The following NRXN3 variants were observed in gnomAD, a reference collection of about 807,000 sequenced individuals.
The protein encoded by NRXN3 is neurexin III.
NRXN3 carries 32 observed loss-of-function variants against 137.6 expected under a neutral mutation model. That is an observed-to-expected ratio of 0.23 (90% CI 0.18 to 0.31). NRXN3 has a LOEUF of 0.31. Ranked by LOEUF, NRXN3 falls within the 10% of genes least tolerant of loss-of-function variation. NRXN3 has a pLI of 1.00. For synonymous variants in NRXN3, 798 were observed against 784.5 expected, an observed-to-expected ratio of 1.02 and a Z score of -0.29; for missense variants, 1,574 against 2,062.5, an observed-to-expected ratio of 0.76 and a Z score of 4.59.
At chr14:79,809,382 A>G (rs2099223260) in intron 20 of NRXN3, among the ~76,000 whole-genome samples, 1 of 152,154 alleles carries the variant, frequency 6.6e-6, no homozygotes, top group Admixed American at 6.5e-5. Context: ...CAAGTGATCC[A>G]TCCACTTCAG....
intron 16 of NRXN3, among the ~76,000 whole-genome samples, chr14:79,560,510 T>TTTTTTTTG (rs2097483870): frequency 8.9e-6 from 1 of 112,874 alleles, no homozygotes; most frequent in African/African-American, 3.7e-5. Flanking sequence ...TAAGCTTTTT[T>TTTTTTTTG]TTTTTTTTTT....
intron 16 of NRXN3, among the ~76,000 whole-genome samples, chr14:79,644,941 T>C (rs2098447112): frequency 1.5e-5 from 2 of 135,828 alleles, no homozygotes; most frequent in African/African-American, 4.9e-5. Context: ...TCGACTCATG[T>C]GAAACAGTCC....
At chr14:79,315,014 G>C (rs2088220483) in intron 15 of NRXN3, among the ~76,000 whole-genome samples, 1 of 152,192 alleles carries the variant, frequency 6.6e-6, no homozygotes, top group South Asian at 2.1e-4. Flanking sequence ...CAAATCTTCT[G>C]TGGCTGCCAC....
intron 8 of NRXN3, among the ~76,000 whole-genome samples, chr14:78,781,596 A>G (rs2098769878): frequency 2.6e-5 from 4 of 152,234 alleles, no homozygotes; most frequent in Admixed American, 2.0e-4. Flanking sequence ...ACCAAATTAT[A>G]TATGACCGCA....
intron 4 of NRXN3, among the ~76,000 whole-genome samples, chr14:78,525,883 G>T (rs1012539205): frequency 2.0e-5 from 3 of 152,174 alleles, no homozygotes; most frequent in Non-Finnish European, 4.4e-5. Flanking sequence ...CATGTATGCA[G>T]TGAAGGAACT....
intron 15 of NRXN3, among the ~76,000 whole-genome samples, chr14:79,364,357 T>C (rs1452688180): frequency 6.6e-6 from 1 of 152,226 alleles, no homozygotes; most frequent in Admixed American, 6.5e-5. Context: ...TCCAAAAATG[T>C]TATTACATTA....
At chr14:79,442,612 A>C (rs2095984255) in intron 15 of NRXN3, among the ~76,000 whole-genome samples, 1 of 152,226 alleles carries the variant, frequency 6.6e-6, no homozygotes. Context: ...TACAGATACC[A>C]GAAGGAACCT....
At chr14:79,365,181 G>C (rs557902838) in intron 15 of NRXN3, among the ~76,000 whole-genome samples, 1 of 152,192 alleles carries the variant, frequency 6.6e-6, no homozygotes, top group Non-Finnish European at 1.5e-5. Flanking sequence ...AGAGAATTCT[G>C]AGTTCTGTAC....
chr14:79,631,072 A>G (rs1259532926), intron 16 of NRXN3, among the ~76,000 whole-genome samples: 1 of 152,202 alleles, frequency 6.6e-6, no homozygotes, highest in Non-Finnish European at 1.5e-5. Flanking sequence ...TATCGTGTAA[A>G]AGTCATCCAT....
chr14:79,302,326 G>T (rs2085276202), intron 15 of NRXN3, among the ~76,000 whole-genome samples: 2 of 151,998 alleles, frequency 1.3e-5, no homozygotes, highest in Admixed American at 1.3e-4. Flanking sequence ...GGTTTATTGG[G>T]CTCATGGTTT....
chr14:78,463,053 C>T (rs773942438), intron 4 of NRXN3, among the ~76,000 whole-genome samples: 1 of 152,140 alleles, frequency 6.6e-6, no homozygotes, highest in Non-Finnish European at 1.5e-5. Flanking sequence ...GGTACACCCA[C>T]GTGTACTCAT....
chr14:78,377,163 C>T (rs1243730585), intron 4 of NRXN3, among the ~76,000 whole-genome samples: 1 of 152,082 alleles, frequency 6.6e-6, no homozygotes, highest in African/African-American at 2.4e-5. Context: ...TCTGTGTTAT[C>T]TATGAGAAAT....
intron 6 of NRXN3, among the ~76,000 whole-genome samples, chr14:78,675,889 T>C (rs2097999319): frequency 6.7e-6 from 1 of 149,264 alleles, no homozygotes. Flanking sequence ...GTGTTGCATT[T>C]TGGTAATTCT....
At chr14:79,401,596 TG>T (rs1171754435) in intron 15 of NRXN3, among the ~76,000 whole-genome samples, 1 of 152,150 alleles carries the variant, frequency 6.6e-6, no homozygotes, top group Non-Finnish European at 1.5e-5. Flanking sequence ...TTTTCTGTAA[TG>T]CCTCAAGATC....
At chr14:78,359,834 T>C (rs890021214) in intron 4 of NRXN3, among the ~76,000 whole-genome samples, 4 of 152,114 alleles carry the variant, frequency 2.6e-5, no homozygotes, top group Non-Finnish European at 5.9e-5. Context: ...GGGTCTCTCT[T>C]TCCGTGGAGG....
Position 79,640,701 on chromosome 14 carries a change from G to A in NRXN3, c.3445-23077G>A, listed in dbSNP as rs139541108. 1.1e-3 allele frequency among the ~76,000 whole-genome samples: 143 copies of A among 135,508 alleles called. 8 individuals are homozygous for A. Among genetic ancestry groups the A allele is most frequent in the Middle Eastern group, 3.8e-3 (1 of 262 alleles). The allele number at this position is 135,508 out of a possible 152,430, so 88.9% of individuals were successfully genotyped here. On this transcript the variant is annotated intron_variant, in intron 16 of 20. Transcript: ENST00000335750. Reference sequence around the variant, plus strand: ...ATATATGCTCTTCAAAAGCTCTCTCGGCTTCATTTCAAGCATGGAAAGCTT... The same window carrying A: ...ATATATGCTCTTCAAAAGCTCTCTCAGCTTCATTTCAAGCATGGAAAGCTT...
chr14:78,438,583 G>A (rs534984429), intron 4 of NRXN3, among the ~76,000 whole-genome samples: 83 of 152,176 alleles, frequency 5.5e-4, no homozygotes, highest in African/African-American at 1.9e-3. Flanking sequence ...TTAGCTGTAC[G>A]ACACTGCCCC....
At chr14:79,320,818 T>C (rs932702374) in intron 15 of NRXN3, among the ~76,000 whole-genome samples, 4 of 151,798 alleles carry the variant, frequency 2.6e-5, no homozygotes, top group Non-Finnish European at 5.9e-5. Context: ...GGATAGATCA[T>C]GACACTGACA....
chr14:78,835,534 C>A (rs1479991775), intron 10 of NRXN3, among the ~76,000 whole-genome samples: 2 of 152,142 alleles, frequency 1.3e-5, no homozygotes, highest in African/African-American at 4.8e-5. Flanking sequence ...CATCCAGTTT[C>A]TTTTTGTCCC....
Sources: allele counts gnomAD v4.1 joint callset (sites outside exome capture counted in the v4.1 genomes callset), GRCh38; gene constraint gnomAD v4.1.1; transcripts MANE v1.5; gene names NCBI Gene and HGNC (gene_info 2026-07-23, HGNC 2026-07-21).